Variants in GMDS observed in about 807,000 individuals in gnomAD.
GMDS encodes the protein GDP-mannose 4,6 dehydratase.
GMDS carries 20 observed loss-of-function variants against 49.9 expected under a neutral mutation model. The ratio of observed to expected loss-of-function variants is 0.40; its 90% CI spans 0.28 to 0.58. GMDS has a LOEUF of 0.58. GMDS is among the 20% of genes least tolerant of loss of function. GMDS has a pLI of 0.42. For missense variants in GMDS, 362 were observed against 481.4 expected, an observed-to-expected ratio of 0.75 and a Z score of 2.32; for synonymous variants, 177 against 178.6, an observed-to-expected ratio of 0.99 and a Z score of 0.07.
intron 1 of GMDS, among the ~76,000 whole-genome samples, chr6:2,201,556 T>A (rs1335281895): frequency 1.7e-5 from 2 of 118,646 alleles, no homozygotes; most frequent in African/African-American, 3.3e-5. Context: ...GATGAAACCA[T>A]CTAGGCAGTG....
intron 1 of GMDS, among the ~76,000 whole-genome samples, chr6:2,227,354 T>C (rs943952608): frequency 3.3e-5 from 5 of 152,242 alleles, no homozygotes; most frequent in African/African-American, 9.6e-5. Context: ...CTGAACTGCA[T>C]AGAAGAGCCA....
At chr6:1,799,201 G>T (rs1769852648) in intron 7 of GMDS, among the ~76,000 whole-genome samples, 1 of 152,156 alleles carries the variant, frequency 6.6e-6, no homozygotes, top group South Asian at 2.1e-4. Flanking sequence ...GTGGTGAGGG[G>T]AGGCAGCTAG....
chr6:1,794,308 C>T (rs1769653673), intron 7 of GMDS, among the ~76,000 whole-genome samples: 1 of 120,572 alleles, frequency 8.3e-6, no homozygotes, highest in South Asian at 2.5e-4. Context: ...AAAATAACTT[C>T]ACTGAGGCAA....
chr6:1,686,187 C>T (rs1024803900), intron 9 of GMDS, among the ~76,000 whole-genome samples: 10 of 152,216 alleles, frequency 6.6e-5, no homozygotes, highest in Non-Finnish European at 1.5e-4. Context: ...CCAGTTTCTC[C>T]TGCTCTGCAC....
chr6:1,898,360 T>C (rs921101417), intron 7 of GMDS, among the ~76,000 whole-genome samples: 2 of 152,358 alleles, frequency 1.3e-5, no homozygotes, highest in Admixed American at 1.3e-4. Context: ...AGAAACTGCC[T>C]AGTTGAGTCT....
chr6:2,201,150 C>A (rs1779511572), intron 1 of GMDS, among the ~76,000 whole-genome samples: 1 of 132,968 alleles, frequency 7.5e-6, no homozygotes, highest in African/African-American at 2.9e-5. Flanking sequence ...CGAGATGAAA[C>A]CATCTAGGCA....
chr6:1,901,742 G>A (rs539590074), intron 7 of GMDS, among the ~76,000 whole-genome samples: 13 of 152,256 alleles, frequency 8.5e-5, no homozygotes, highest in Non-Finnish European at 1.5e-4. Context: ...GCCAGCCTTT[G>A]CTCATTCAGT....
At chr6:2,069,214 A>G (rs1370104136) in intron 4 of GMDS, among the ~76,000 whole-genome samples, 5 of 152,236 alleles carry the variant, frequency 3.3e-5, no homozygotes, top group Non-Finnish European at 7.3e-5. Context: ...GGCTAGCCCT[A>G]TGTAGAAAGC....
intron 2 of GMDS, among the ~76,000 whole-genome samples, chr6:2,124,088 T>C (rs1775288351): frequency 6.6e-6 from 1 of 151,980 alleles, no homozygotes; most frequent in South Asian, 2.1e-4. Context: ...TGTATATATC[T>C]GAAAAACGTT....
chr6:1,776,253 T>C (rs1218213867), intron 7 of GMDS, among the ~76,000 whole-genome samples: 1 of 152,266 alleles, frequency 6.6e-6, no homozygotes, highest in Non-Finnish European at 1.5e-5. Flanking sequence ...AGAGGACAGT[T>C]GCTGCCTCTC....
At chr6:1,728,611 C>A (rs1766677879) in intron 8 of GMDS, among the ~76,000 whole-genome samples, 1 of 152,184 alleles carries the variant, frequency 6.6e-6, no homozygotes, top group African/African-American at 2.4e-5. Flanking sequence ...AAATCACACA[C>A]AAACACACAC....
At chr6:1,774,413 G>C (rs751081423) in intron 7 of GMDS, among the ~76,000 whole-genome samples, 4 of 152,220 alleles carry the variant, frequency 2.6e-5, no homozygotes, top group Non-Finnish European at 5.9e-5. Context: ...ACAAGGAAGA[G>C]GGGCAGGCTC....
intron 7 of GMDS, among the ~76,000 whole-genome samples, chr6:1,889,839 C>T (rs1438571213): frequency 6.6e-6 from 1 of 152,142 alleles, no homozygotes; most frequent in Non-Finnish European, 1.5e-5. Flanking sequence ...GTGTTCTGGA[C>T]ATTTCATATA....
At chr6:1,735,004 G>A (rs540726636) in intron 8 of GMDS, among the ~76,000 whole-genome samples, 8 of 152,196 alleles carry the variant, frequency 5.3e-5, no homozygotes, top group Non-Finnish European at 7.3e-5. Flanking sequence ...CATTAAATGC[G>A]CTCCAGCTGC....
At chr6:1,988,479 G>A (rs1439886892) in intron 4 of GMDS, among the ~76,000 whole-genome samples, 2 of 152,060 alleles carry the variant, frequency 1.3e-5, no homozygotes, top group African/African-American at 2.4e-5. Flanking sequence ...GGGCGAGGGG[G>A]GCTCCAAACC....
chr6:1,745,832 G>A (rs59302583), intron 7 of GMDS, among the ~76,000 whole-genome samples: 188 of 152,312 alleles, frequency 1.2e-3, no homozygotes, highest in African/African-American at 4.3e-3. Flanking sequence ...AATGGTTATT[G>A]ACTGGTAAAT....
chr6:2,093,785 A>T lies in GMDS; in HGVS notation c.345+21986T>A, dbSNP rs1311709233. On this transcript the variant is annotated intron_variant, in intron 4 of 10. Coordinates refer to ENST00000380815, the MANE Select transcript of GMDS (RefSeq NM_001500.4). The stretch of plus-strand genomic sequence containing the variant: ...AGACTAGAAAGAAAAGCAGCAAAAA[A>T]AAAAAGAAAAAAACATAGGTCTGGT... Among the ~76,000 whole-genome samples the T allele has an allele frequency of 2.6e-5, 4 of 152,122 alleles. No individual in the cohort carries two copies. The East Asian group carries it at 7.7e-4, about 29-fold the overall frequency.
chr6:2,082,602 T>G (rs1311647843), intron 4 of GMDS, among the ~76,000 whole-genome samples: 1 of 152,220 alleles, frequency 6.6e-6, no homozygotes, highest in African/African-American at 2.4e-5. Flanking sequence ...ATCCTAACAC[T>G]GAAAGAGCTG....
rs1461892198 is a variant in GMDS at position 1,640,063 on chromosome 6, A to G, written c.988-15523T>C. Among the ~76,000 whole-genome samples, 1 of 152,168 alleles carries G rather than the reference A, an allele frequency of 6.6e-6. No homozygotes were observed. Among genetic ancestry groups the G allele is most frequent in the Admixed American group, 6.6e-5 (1 of 15,264 alleles). Reference sequence around the variant, plus strand: ...CTGATGTTGGGTAAGTGCCCGACAGACAGCAGCTCCTGCCACTGCACAGTC... The same window carrying G: ...CTGATGTTGGGTAAGTGCCCGACAGGCAGCAGCTCCTGCCACTGCACAGTC... On this transcript the variant is annotated intron_variant, in intron 9 of 10. Coordinates refer to ENST00000380815, the MANE Select transcript of GMDS (RefSeq NM_001500.4). This position sits in a 1 kb window ranked among gnomAD's most constrained non-coding sequence, Gnocchi z 4.0.
Sources: allele counts gnomAD v4.1 joint callset (sites outside exome capture counted in the v4.1 genomes callset), GRCh38; gene constraint gnomAD v4.1.1; non-coding constraint Gnocchi (gnomAD v3.1); transcripts MANE v1.5; gene names NCBI Gene and HGNC (gene_info 2026-07-23, HGNC 2026-07-21).